PLXND1: variants seen among roughly 807,000 people sequenced by gnomAD.
The protein encoded by PLXND1 is plexin-D1.
PLXND1 carries 54 observed loss-of-function variants against 197.7 expected under a neutral mutation model. That is an observed-to-expected ratio of 0.27 (90% CI 0.22 to 0.34). The LOEUF (loss-of-function observed/expected upper bound fraction) is 0.34. Ranked by LOEUF, PLXND1 falls within the 10% of genes least tolerant of loss-of-function variation. PLXND1 has a pLI of 1.00. For missense variants in PLXND1, 2,127 were observed against 2,699.2 expected, an observed-to-expected ratio of 0.79 and a Z score of 4.70; for synonymous variants, 1,180 against 1,161.2, an observed-to-expected ratio of 1.02 and a Z score of -0.33.
Position 129,571,822 on chromosome 3 carries a change from A to C in PLXND1, c.3100T>G (p.Cys1034Gly), listed in dbSNP as rs767671070. The change falls in exon 16 of 36, where the codon TGC becomes GGC. Residue 1034 changes from cysteine (C) to glycine (G), a missense_variant. By Grantham distance (159) the Cys-to-Gly change is radical. Coordinates refer to ENST00000324093, the MANE Select transcript of PLXND1 (RefSeq NM_015103.3). Reference sequence around the variant, plus strand: ...GGCAGGGCCCCCTCAGGCATGGTGCAGGCGATGCTGGTATCTGTGCGCCTG... The same window carrying C: ...GGCAGGGCCCCCTCAGGCATGGTGCCGGCGATGCTGGTATCTGTGCGCCTG... Reference protein sequence around the residue: ...ELMRTDTSIACTMPEGALPAP... With the variant: ...ELMRTDTSIAGTMPEGALPAP... 6.2e-7 allele frequency: 1 copy of C among 1,612,754 alleles called. No homozygotes were observed. The highest frequency in any genetic ancestry group is 1.7e-5 in the Admixed American group (1 of 59,976).
chr3:129,583,060 C>T (rs2085407227), intron 8 of PLXND1, among the ~76,000 whole-genome samples: 3 of 152,218 alleles, frequency 2.0e-5, no homozygotes, highest in South Asian at 2.1e-4. Context: ...CTGATTTTCA[C>T]AGGAGGGGAG....
At chr3:129,599,973 G>T (rs1409495721) in intron 1 of PLXND1, among the ~76,000 whole-genome samples, 1 of 152,210 alleles carries the variant, frequency 6.6e-6, no homozygotes. Flanking sequence ...CGCACTGTCT[G>T]CCTGACCAGG....
At chr3:129,568,936 A>G (rs1264781348) in intron 20 of PLXND1, among the ~76,000 whole-genome samples, 1 of 152,116 alleles carries the variant, frequency 6.6e-6, no homozygotes, top group Non-Finnish European at 1.5e-5. Context: ...GAAGACCCAT[A>G]CCCATGCAGC....
chr3:129,578,880 A>G (rs1178506158), intron 8 of PLXND1, among the ~76,000 whole-genome samples: 1 of 152,190 alleles, frequency 6.6e-6, no homozygotes, highest in Non-Finnish European at 1.5e-5. Flanking sequence ...AGCGATTCAG[A>G]AAAGAGAAAC....
At position 129,558,479 on chromosome 3, in the gene PLXND1, G is replaced by A. The variant is rs202142948; in HGVS notation, c.5394C>T (p.Ile1798=). 19 of 1,613,850 alleles carry A rather than the reference G, an allele frequency of 1.2e-5. No homozygotes were observed. Among genetic ancestry groups the A allele is most frequent in the Admixed American group, 3.3e-5 (2 of 60,000 alleles). The part of the protein sequence containing the change: ...TDHIDACLSV[I]AQAFIDACSI... ...AGCAGGCGTCGATGAAGGCCTGCGCGATGACTGAAAGGCAGGCGTCGATGT... is the reference window on the plus strand; with the variant it reads ...AGCAGGCGTCGATGAAGGCCTGCGCAATGACTGAAAGGCAGGCGTCGATGT... The change falls in exon 33 of 36, where the codon ATC becomes ATT. Residue 1798 remains isoleucine, a synonymous_variant. Coordinates refer to ENST00000324093, the MANE Select transcript of PLXND1 (RefSeq NM_015103.3). The surrounding 1 kb of genome is among the most constrained non-coding windows in gnomAD (Gnocchi z 4.1).
chr3:129,594,010 G>C (rs1018564942), intron 1 of PLXND1, among the ~76,000 whole-genome samples: 39 of 152,238 alleles, frequency 2.6e-4, no homozygotes, highest in African/African-American at 9.2e-4. Flanking sequence ...CAGGAAGCCA[G>C]TTGGAAGGAG....
chr3:129,599,266 C>T (rs1365760543), intron 1 of PLXND1, among the ~76,000 whole-genome samples: 2 of 152,226 alleles, frequency 1.3e-5, no homozygotes, highest in African/African-American at 4.8e-5. Flanking sequence ...CTGCCGGGCC[C>T]GATGCGCGTG....
At chr3:129,598,796 C>T (rs1263518155) in intron 1 of PLXND1, among the ~76,000 whole-genome samples, 1 of 152,120 alleles carries the variant, frequency 6.6e-6, no homozygotes, top group Non-Finnish European at 1.5e-5. Context: ...CAGAAGCCTG[C>T]TCCACCTGGA....
chr3:129,587,716 C>T (rs1199781735), intron 2 of PLXND1, among the ~76,000 whole-genome samples: 1 of 152,214 alleles, frequency 6.6e-6, no homozygotes, highest in Non-Finnish European at 1.5e-5. Context: ...ACCCGGACAA[C>T]CCCAGCTTTA....
chr3:129,589,309 C>G, intron 2 of PLXND1, 42 bp downstream of exon 2: 11 of 643,990 alleles, frequency 1.7e-5, no homozygotes, highest in Non-Finnish European at 1.9e-5. Flanking sequence ...CCAGGGGAGC[C>G]TCCCACCCCC....
rs140631068 is a variant in PLXND1 at position 129,570,812 on chromosome 3, C to T, written c.3724G>A (p.Ala1242Thr). Residue 1242 changes from alanine to threonine, a missense_variant, in exon 19 of 36, where the codon GCG becomes ACG. Transcript: ENST00000324093. Reference protein sequence around the residue: ...IHCSVNESLGAAVGQLPITIQ... With the variant: ...IHCSVNESLGTAVGQLPITIQ... Reference sequence around the variant, plus strand: ...GTGATGGGCAGCTGCCCCACGGCCGCGCCCAGGGACTCGTTGACCGAGCAG... The same window carrying T: ...GTGATGGGCAGCTGCCCCACGGCCGTGCCCAGGGACTCGTTGACCGAGCAG... The T allele has an allele frequency of 2.8e-5, 46 of 1,614,136 alleles. No homozygotes were observed. Among genetic ancestry groups the T allele is most frequent in the East Asian group, 2.7e-4 (12 of 44,882 alleles).
At position 129,571,804 on chromosome 3, in the gene PLXND1, C is replaced by G. The variant is rs774569801; in HGVS notation, c.3118G>C (p.Ala1040Pro). Reference protein sequence around the residue: ...TSIACTMPEGALPAPVPVCVR... With the variant: ...TSIACTMPEGPLPAPVPVCVR... ...CACACAGGCACCGGAGCCGGCAGGG[C>G]CCCCTCAGGCATGGTGCAGGCGATG... The change falls in exon 16 of 36, where the codon GCC (alanine) becomes CCC (proline). Residue 1040 changes from alanine to proline, a missense_variant. Ala to Pro is a conservative substitution (Grantham distance 27, BLOSUM62 -1). Around this residue, in one of 6 missense-constraint regions of PLXND1, gnomAD observed 1,095 missense variants for 1,259.8 expected, o/e 0.87. Transcript: ENST00000324093. 2.9e-5 allele frequency: 46 copies of G among 1,612,972 alleles called. No individual in the cohort carries two copies. In the Admixed American group the frequency reaches 7.5e-4, roughly 26 times the overall value.
chr3:129,589,622 G>A, intron 1 of PLXND1, 95 bp from the exon 2 acceptor site: 1 of 1,097,538 alleles, frequency 9.1e-7, no homozygotes, highest in Non-Finnish European at 1.3e-6. Context: ...TGGCATCAGA[G>A]CTTTCAAGTC....
intron 13 of PLXND1, 162 bp from the exon 14 acceptor site, chr3:129,573,103 G>T: frequency 1.6e-6 from 1 of 610,426 alleles, no homozygotes; most frequent in Admixed American, 2.7e-5. Flanking sequence ...ATAAGACACG[G>T]GGGTGGGACA....
chr3:129,588,050 C>T (rs2811458), intron 2 of PLXND1, among the ~76,000 whole-genome samples: 22,804 of 152,204 alleles, frequency 0.15, 1,935 homozygotes, highest in East Asian at 0.38. Flanking sequence ...AACTACTGTG[C>T]CCCAGGGCCT....
Position 129,606,016 on chromosome 3 carries a change from G to C in PLXND1, c.624C>G (p.Leu208=). The C allele has an allele frequency of 1.9e-6, 3 of 1,606,416 alleles. No individual in the cohort carries two copies. Among genetic ancestry groups the C allele is most frequent in the Non-Finnish European group, 2.5e-6 (3 of 1,178,360 alleles). ...CGTAACCGGTGTACGTGGCGCCCAC[G>C]AGCAGGCGGCTGCCCCCCGCGCCCG... The part of the protein sequence containing the change: ...PAAGAGGSRL[L]VGATYTGYGS... Residue 208 remains leucine (L), a synonymous_variant, in exon 1 of 36, where the codon CTC becomes CTG. Transcript: ENST00000324093.
chr3:129,558,351 G>A lies in PLXND1; in HGVS notation c.5445+77C>T. The A allele has an allele frequency of 7.2e-7, 1 of 1,383,560 alleles. No individual in the cohort carries two copies. 85.7% of individuals were successfully genotyped at this position (1,383,560 alleles called of 1,614,324 possible). On this transcript the variant is annotated intron_variant, in intron 33 of 35. Coordinates refer to ENST00000324093, the MANE Select transcript of PLXND1 (RefSeq NM_015103.3). This position sits in a 1 kb window ranked among gnomAD's most constrained non-coding sequence, Gnocchi z 4.1. ...AGATCTCTGAGCTCAGCCTCAGAGAGTCGAGGAGGCTACCCATGGTCGGCA... is the reference window on the plus strand; with the variant it reads ...AGATCTCTGAGCTCAGCCTCAGAGAATCGAGGAGGCTACCCATGGTCGGCA...
chr3:129,605,413 C>A lies in PLXND1; in HGVS notation c.1227G>T (p.Val409=). ...AIRAARTACF[V]EPAPDVVAVL... ...CCGCCACCACGTCGGGCGCCGGTTC[C>A]ACGAAGCAGGCGGTGCGCGCAGCTC... Residue 409 remains valine, a synonymous_variant, in exon 1 of 36, where the codon GTG becomes GTT. Transcript: ENST00000324093. The A allele has an allele frequency of 6.7e-7, 1 of 1,501,082 alleles. No individual in the cohort carries two copies. The highest frequency in any genetic ancestry group is 2.8e-5 in the East Asian group (1 of 35,922). The allele number at this position is 1,501,082 out of a possible 1,614,324, so 93.0% of individuals were successfully genotyped here. A position where few individuals can be genotyped will look rare whatever the true frequency, so the allele number is the denominator to read the frequency against.
chr3:129,580,011 T>G (rs191848857), intron 8 of PLXND1, among the ~76,000 whole-genome samples: 1 of 152,146 alleles, frequency 6.6e-6, no homozygotes, highest in East Asian at 1.9e-4. Flanking sequence ...CTGAGCACTT[T>G]GCACTCTTTT....
Sources: gnomAD v4.1 joint callset for allele counts (sites outside exome capture counted in the v4.1 genomes callset) on GRCh38, gnomAD v4.1.1 for gene constraint, gnomAD v4.1.1 regional missense constraint, Gnocchi (gnomAD v3.1) non-coding constraint, MANE v1.5 for transcripts, NCBI Gene and HGNC (gene_info 2026-07-23, HGNC 2026-07-21) for gene names.